The following BANP variants were observed in gnomAD, a reference collection of about 807,000 sequenced individuals.
BANP encodes the protein BTG3 associated nuclear protein.
In BANP, 11 loss-of-function variants were observed where a neutral mutation model predicts 68.1. The observed-to-expected ratio is 0.16, with a 90% CI of 0.10 to 0.27. BANP has a LOEUF of 0.27. Among genes scored for constraint, BANP ranks in the 10% least tolerant of loss-of-function variants. The probability of loss-of-function intolerance (pLI) is 1.00; values close to 1 mark genes in which losing one functional copy is unlikely to be tolerated. For synonymous variants in BANP, 329 were observed against 303.2 expected, an observed-to-expected ratio of 1.09 and a Z score of -0.88; for missense variants, 504 against 722.7, an observed-to-expected ratio of 0.70 and a Z score of 3.47.
chr16:88,027,829 C>T (rs897833824), intron 8 of BANP, among the ~76,000 whole-genome samples, 179 bp downstream of exon 8: 4 of 152,232 alleles, frequency 2.6e-5, no homozygotes, highest in South Asian at 2.1e-4. Flanking sequence ...TGGCCCCGTG[C>T]GCCCTTCACA....
chr16:88,035,462 G>A, intron 10 of BANP, 68 bp downstream of exon 10: 1 of 1,424,804 alleles, frequency 7.0e-7, no homozygotes, highest in Non-Finnish European at 9.7e-7. Context: ...ACCTTCATCG[G>A]TGTCACAGTG....
At chr16:88,050,365 AG>A in intron 11 of BANP, among the ~76,000 whole-genome samples, 1 of 152,148 alleles carries the variant, frequency 6.6e-6, no homozygotes, top group Admixed American at 6.6e-5. Flanking sequence ...CCATGTTGCC[AG>A]GCTGGTCTTG....
At chr16:88,053,056 CCT>C (rs995170781) in intron 11 of BANP, among the ~76,000 whole-genome samples, 4 of 122,914 alleles carry the variant, frequency 3.3e-5, no homozygotes, top group African/African-American at 5.4e-5. Flanking sequence ...CACCATCACC[CCT>C]GTCATCTCCA....
At chr16:88,043,306 T>C (rs1294410031) in intron 11 of BANP, among the ~76,000 whole-genome samples, 1 of 152,236 alleles carries the variant, frequency 6.6e-6, no homozygotes. Flanking sequence ...CCTGGGTCTT[T>C]GGCTGTTTAG....
At chr16:87,949,896 G>C (rs1230321536), upstream of BANP, 1 of 117,072 alleles carries the variant, frequency 8.5e-6, no homozygotes, top group Non-Finnish European at 1.7e-5. Context: ...TTTTTTTCTT[G>C]AGACGGAGTC....
rs142611334 is a variant in BANP, at chr16:88,022,344, C to G, written c.895+3677C>G. On this transcript the variant is annotated intron_variant, in intron 7 of 13. Coordinates refer to ENST00000682872, the MANE Select transcript of BANP (RefSeq NM_001386991.1). The stretch of plus-strand genomic sequence containing the variant: ...GTGCCACCCTGAACACACCCGATCT[C>G]GTCTGATCTAAAGAATGCTGCTGTG... 2.7e-3 allele frequency among the ~76,000 whole-genome samples: 417 copies of G among 152,308 alleles called. 1 individual carries two copies. The highest frequency in any genetic ancestry group is 9.4e-3 in the African/African-American group (392 of 41,556).
chr16:87,993,015 C>T (rs1261962261), intron 4 of BANP, among the ~76,000 whole-genome samples: 3 of 152,102 alleles, frequency 2.0e-5, no homozygotes, highest in African/African-American at 7.2e-5. Flanking sequence ...TTGTTTTTGG[C>T]GACTTTTTGA....
At chr16:87,993,159 A>G (rs958232044) in intron 4 of BANP, among the ~76,000 whole-genome samples, 3 of 152,224 alleles carry the variant, frequency 2.0e-5, no homozygotes, top group East Asian at 1.9e-4. Context: ...CCAGGCCAGC[A>G]CTGTCAGCAG....
chr16:88,032,505 A>G (rs1425389039), intron 8 of BANP, among the ~76,000 whole-genome samples: 1 of 152,194 alleles, frequency 6.6e-6, no homozygotes, highest in African/African-American at 2.4e-5. Flanking sequence ...TCCGGACTAC[A>G]TTTTTATGCT....
chr16:87,978,376 T>A (rs1329947335), intron 2 of BANP: 6 of 265,258 alleles, frequency 2.3e-5, no homozygotes, highest in African/African-American at 1.3e-4. Context: ...CCTGGACTTG[T>A]TTTCTTCTCA....
rs182141348 is a variant in BANP, at chr16:87,961,939, A to G, written c.-69+10424A>G. 3.2e-3 allele frequency among the ~76,000 whole-genome samples: 493 copies of G among 152,284 alleles called. 2 individuals carry two copies. The highest frequency in any genetic ancestry group is 0.011 in the African/African-American group (456 of 41,556). Reference sequence around the variant, plus strand: ...CTTGGACTTCTCAGCCTCCTGAACTATAAGAAATGCATTTCTTAGGCTGGG... The same window carrying G: ...CTTGGACTTCTCAGCCTCCTGAACTGTAAGAAATGCATTTCTTAGGCTGGG... On this transcript the variant is annotated intron_variant, in intron 1 of 13. Transcript: ENST00000682872.
chr16:87,968,362 T>C (rs2060480364), intron 1 of BANP, among the ~76,000 whole-genome samples: 1 of 151,748 alleles, frequency 6.6e-6, no homozygotes, highest in South Asian at 2.1e-4. Flanking sequence ...TGTGCACCTG[T>C]AGTCTTAGCT....
intron 4 of BANP, among the ~76,000 whole-genome samples, chr16:87,995,624 G>A (rs943628947): frequency 3.3e-5 from 5 of 152,232 alleles, no homozygotes; most frequent in African/African-American, 7.2e-5. Context: ...CTACCTGGCG[G>A]CAGAGTGTCA....
chr16:87,974,830 C>T (rs2061725259), intron 1 of BANP, among the ~76,000 whole-genome samples: 1 of 152,108 alleles, frequency 6.6e-6, no homozygotes, highest in Non-Finnish European at 1.5e-5. Context: ...GTGGCTCGTC[C>T]AGTGGTTAAG....
chr16:87,981,956 A>C (rs2063357566), intron 3 of BANP, among the ~76,000 whole-genome samples: 1 of 152,260 alleles, frequency 6.6e-6, no homozygotes, highest in Non-Finnish European at 1.5e-5. Context: ...AGCAACACAA[A>C]ACCAAAGTCA....
chr16:88,062,649 C>T (rs146269973), intron 11 of BANP, among the ~76,000 whole-genome samples: 1 of 152,190 alleles, frequency 6.6e-6, no homozygotes, highest in Non-Finnish European at 1.5e-5. Context: ...AGGCCAGTGT[C>T]CCTGGAGCCT....
chr16:88,009,609 G>T (rs2072398176), intron 6 of BANP, among the ~76,000 whole-genome samples: 2 of 152,228 alleles, frequency 1.3e-5, no homozygotes, highest in African/African-American at 2.4e-5. Context: ...GCTATTGAAA[G>T]CAGGGAACAG....
At position 88,057,262 on chromosome 16, in the gene BANP, C is replaced by T. The variant is rs976238300; in HGVS notation, c.1312-8005C>T. Among the ~76,000 whole-genome samples the T allele has an allele frequency of 6.6e-6, 1 of 152,150 alleles. No homozygotes were observed. The highest frequency in any genetic ancestry group is 2.4e-5 in the African/African-American group (1 of 41,422). On this transcript the variant is annotated intron_variant, in intron 11 of 13. Transcript: ENST00000682872. The surrounding 1 kb of genome is among the most constrained non-coding windows in gnomAD (Gnocchi z 4.6). ...AGCCGCCAAGAGCTCACCCAGCGCGCCTGTTGCTTTGGGTGCCTCTGTGGG... is the reference window on the plus strand; with the variant it reads ...AGCCGCCAAGAGCTCACCCAGCGCGTCTGTTGCTTTGGGTGCCTCTGTGGG...
At chr16:88,045,304 C>T (rs1190257479) in intron 11 of BANP, among the ~76,000 whole-genome samples, 2 of 152,198 alleles carry the variant, frequency 1.3e-5, no homozygotes, top group South Asian at 4.1e-4. Context: ...GAAGATGGCT[C>T]GATGTTTGCC....
Sources: gnomAD v4.1 joint callset for allele counts (sites outside exome capture counted in the v4.1 genomes callset) on GRCh38, gnomAD v4.1.1 for gene constraint, Gnocchi (gnomAD v3.1) non-coding constraint, MANE v1.5 for transcripts, NCBI Gene and HGNC (gene_info 2026-07-23, HGNC 2026-07-21) for gene names.